GALNT14: variants seen among roughly 807,000 people sequenced by gnomAD.
GALNT14 encodes UDP-GalNAc:polypeptide N-acetylgalactosaminyltransferase 14.
GALNT14 carries 60 observed loss-of-function variants against 77.5 expected under a neutral mutation model. That is an observed-to-expected ratio of 0.77 (90% confidence interval 0.63 to 0.96). The LOEUF is 0.96. GALNT14 is among the 40% of genes least tolerant of loss of function. GALNT14 has a pLI of 0.00. For missense variants in GALNT14, 710 were observed against 731.0 expected (o/e 0.97, Z 0.33); for synonymous variants, 280 against 281.7 (o/e 0.99, Z 0.06).
intron 1 of GALNT14, among the ~76,000 whole-genome samples, chr2:31,050,198 C>T (rs974852079): frequency 1.3e-5 from 2 of 152,220 alleles, no homozygotes; most frequent in African/African-American, 2.4e-5. Flanking sequence ...CCAGGCCTCT[C>T]GCTAAACCTG....
At chr2:31,112,462 G>A (rs529040562) in intron 1 of GALNT14, among the ~76,000 whole-genome samples, 2 of 152,344 alleles carry the variant, frequency 1.3e-5, no homozygotes, top group South Asian at 4.1e-4. Flanking sequence ...GTATGGGACA[G>A]CACCAGGCAC....
intron 11 of GALNT14, among the ~76,000 whole-genome samples, chr2:30,925,774 T>C (rs920995173): frequency 6.6e-6 from 1 of 152,140 alleles, no homozygotes; most frequent in Non-Finnish European, 1.5e-5. Flanking sequence ...GGGATGAAAC[T>C]GATGGGTTCT....
At chr2:30,904,654 A>G in the GALNT14 span, among the ~76,000 whole-genome samples, 1 of 152,218 alleles carries the variant, frequency 6.6e-6, no homozygotes. Flanking sequence ...GCCATTGCCC[A>G]GGCTTGATTA....
intron 2 of GALNT14, 32 bp from the exon 3 acceptor site, chr2:30,966,334 C>A: frequency 6.7e-7 from 1 of 1,500,864 alleles, no homozygotes; most frequent in East Asian, 2.3e-5. Flanking sequence ...GCAAGTGAGA[C>A]CTTCAGGGAC....
chr2:31,131,327 G>A (rs2148652017), intron 1 of GALNT14, among the ~76,000 whole-genome samples: 1 of 152,268 alleles, frequency 6.6e-6, no homozygotes, highest in Non-Finnish European at 1.5e-5. Context: ...GCAAGTGGCA[G>A]GGGCCTGCAG....
intron 2 of GALNT14, among the ~76,000 whole-genome samples, chr2:30,988,920 C>T (rs1573101975): frequency 6.6e-6 from 1 of 152,292 alleles, no homozygotes; most frequent in South Asian, 2.1e-4. Flanking sequence ...GTTCTAAGTC[C>T]CTGCTATTCA....
chr2:31,050,343 C>G (rs893886486), intron 1 of GALNT14, among the ~76,000 whole-genome samples: 1 of 152,084 alleles, frequency 6.6e-6, no homozygotes, highest in Non-Finnish European at 1.5e-5. Flanking sequence ...CTTCCCAGCA[C>G]GTAAGAAGGT....
At chr2:31,052,796 T>C (rs982266086) in intron 1 of GALNT14, among the ~76,000 whole-genome samples, 3 of 152,180 alleles carry the variant, frequency 2.0e-5, no homozygotes. Context: ...CCCAATTAAT[T>C]TGAATTTCAG....
At chr2:30,958,712 C>T (rs1468553605) in intron 3 of GALNT14, among the ~76,000 whole-genome samples, 1 of 152,104 alleles carries the variant, frequency 6.6e-6, no homozygotes, top group Non-Finnish European at 1.5e-5. Context: ...CGGCAACCCT[C>T]CTACTCCCTG....
chr2:31,009,377 G>C (rs1670879328), intron 1 of GALNT14, among the ~76,000 whole-genome samples: 1 of 152,080 alleles, frequency 6.6e-6, no homozygotes, highest in Admixed American at 6.6e-5. Flanking sequence ...TCAGACTTTG[G>C]CATCTTCTTC....
chr2:31,009,066 AATTCACTTCATTC>A (rs1359288490), intron 1 of GALNT14, among the ~76,000 whole-genome samples: 4 of 152,216 alleles, frequency 2.6e-5, no homozygotes, highest in African/African-American at 9.6e-5. Context: ...CAGAACTTGC[AATTCACTTCATTC>A]ATTCACTTCA....
At chr2:30,953,825 T>C (rs1035433856) in intron 6 of GALNT14, among the ~76,000 whole-genome samples, 1 of 152,292 alleles carries the variant, frequency 6.6e-6, no homozygotes, top group Middle Eastern at 3.4e-3. Context: ...GTTGATTCAT[T>C]TACCGGTAGG....
intron 2 of GALNT14, among the ~76,000 whole-genome samples, chr2:30,980,742 G>A (rs1158690480): frequency 6.6e-6 from 1 of 152,244 alleles, no homozygotes; most frequent in Non-Finnish European, 1.5e-5. Context: ...GGGCTACTGA[G>A]GACATGAGAA....
intron 1 of GALNT14, among the ~76,000 whole-genome samples, chr2:31,036,553 T>C (rs570915585): frequency 2.6e-5 from 4 of 152,292 alleles, no homozygotes; most frequent in African/African-American, 7.2e-5. Context: ...CAAAAATACA[T>C]TTAATTACCT....
intron 5 of GALNT14, 76 bp downstream of exon 5, chr2:30,955,836 C>T (rs2148318465): frequency 6.2e-7 from 1 of 1,609,128 alleles, no homozygotes; most frequent in Non-Finnish European, 8.5e-7. Context: ...CTGATCACCC[C>T]AACACACACA....
intron 1 of GALNT14, among the ~76,000 whole-genome samples, chr2:31,002,077 T>C (rs1175889363): frequency 6.6e-6 from 1 of 152,148 alleles, no homozygotes; most frequent in Non-Finnish European, 1.5e-5. Context: ...CTGTTACCAC[T>C]TCACAGATGA....
chr2:30,982,380 T>C (rs958829998), intron 2 of GALNT14, among the ~76,000 whole-genome samples: 4 of 152,130 alleles, frequency 2.6e-5, no homozygotes, highest in Non-Finnish European at 2.9e-5. Flanking sequence ...TCATAGCAGC[T>C]CTCGTCATAA....
In GALNT14 at chr2:31,045,631, T is replaced by C. The variant is rs914199872; in HGVS notation, c.130-52624A>G. Among the ~76,000 whole-genome samples the C allele has an allele frequency of 1.8e-4, 28 of 151,918 alleles. 1 individual carries two copies. Among genetic ancestry groups the C allele is most frequent in the Admixed American group, 3.3e-4 (5 of 15,256 alleles). On this transcript the variant is annotated intron_variant, in intron 1 of 14. Transcript: ENST00000349752. ...GCACCCACAACCACGCCTGGCTAAT[T>C]TTTGCATTTTTTGTAGAGACAGGGT... is the stretch of plus-strand genomic sequence containing the variant.
rs547453259 is a variant in GALNT14 at position 31,135,271 on chromosome 2, G to A, written c.129+2687C>T. On this transcript the variant is annotated intron_variant, in intron 1 of 14. Coordinates refer to ENST00000349752, the MANE Select transcript of GALNT14 (RefSeq NM_024572.4). The stretch of plus-strand genomic sequence containing the variant: ...CACAGAGGCATAATCTCTGTAGTAA[G>A]CCCAAAAATCTGCATGTTAATGGAG... Among the ~76,000 whole-genome samples, 52 of 152,314 alleles carry A rather than the reference G, an allele frequency of 3.4e-4. No homozygotes were observed. In the South Asian group the frequency reaches 6.2e-3, roughly 18 times the overall value.
Sources: allele counts gnomAD v4.1 joint callset (sites outside exome capture counted in the v4.1 genomes callset), GRCh38; gene constraint gnomAD v4.1.1; transcripts MANE v1.5; gene names NCBI Gene and HGNC (gene_info 2026-07-23, HGNC 2026-07-21).